The following NBEAL1 variants were observed in gnomAD, a reference collection of about 807,000 sequenced individuals.
NBEAL1 encodes the protein neurobeachin like 1, also known as neurobeachin-like protein 1.
In NBEAL1, 273 loss-of-function variants were observed where a neutral mutation model predicts 351.3. That is an observed-to-expected ratio of 0.78 (90% CI 0.70 to 0.86). The LOEUF (loss-of-function observed/expected upper bound fraction) is 0.86. NBEAL1 is among the 40% of genes least tolerant of loss of function. The pLI, the probability that NBEAL1 is intolerant of heterozygous loss-of-function variation, is 0.00. For synonymous variants in NBEAL1, 1,050 were observed against 1,086.4 expected (o/e 0.97, Z 0.66); for missense variants, 2,961 against 3,201.3 (o/e 0.92, Z 1.81).
rs13414857 is a variant in NBEAL1 at position 203,045,681 on chromosome 2, T to A, written c.143+3825T>A. Among the ~76,000 whole-genome samples the A allele has an allele frequency of 2.3e-3, 351 of 152,358 alleles. 2 individuals are homozygous for A. The highest frequency in any genetic ancestry group is 7.8e-3 in the African/African-American group (326 of 41,588). ...ACTGTATTCTACATGTGACTACTTA[T>A]GTGCTTCAGATTTTTCTGCATATAG... On this transcript the variant is annotated intron_variant, in intron 3 of 55. Coordinates refer to ENST00000683969, the MANE Select transcript of NBEAL1 (RefSeq NM_001378026.1).
intron 19 of NBEAL1, among the ~76,000 whole-genome samples, chr2:203,123,642 T>G (rs754257074): frequency 1.4e-4 from 21 of 152,106 alleles, no homozygotes; most frequent in Non-Finnish European, 2.9e-4. Flanking sequence ...CCAGAACACT[T>G]TTTTTTATCT....
chr2:203,079,199 C>A (rs145979695), intron 8 of NBEAL1, among the ~76,000 whole-genome samples: 2 of 152,254 alleles, frequency 1.3e-5, no homozygotes, highest in East Asian at 3.9e-4. Context: ...CCACTTCAGC[C>A]TCCTAAGGAG....
intron 2 of NBEAL1, among the ~76,000 whole-genome samples, chr2:203,038,771 G>A (rs2061079936): frequency 6.7e-6 from 1 of 148,808 alleles, no homozygotes; most frequent in African/African-American, 2.4e-5. Flanking sequence ...TTGACTTCCT[G>A]CGCTCAAGAA....
chr2:203,183,211 A>G, intron 43 of NBEAL1, 68 bp from the exon 44 acceptor site: 1 of 803,708 alleles, frequency 1.2e-6, no homozygotes, highest in Non-Finnish European at 2.0e-6. Flanking sequence ...TGCCCTCATT[A>G]GTGTTTGTTT....
chr2:203,089,610 C>G lies in NBEAL1; in HGVS notation c.1098+5041C>G, dbSNP rs1017343999. ...AGAGGCGGGTAGCATTTAAGAGACA[C>G]GAGAACCTAGGATCACACACACACC... is the stretch of plus-strand genomic sequence containing the variant. On this transcript the variant is annotated intron_variant, in intron 10 of 55. Coordinates refer to ENST00000683969, the MANE Select transcript of NBEAL1 (RefSeq NM_001378026.1). Among the ~76,000 whole-genome samples, 3 of 152,144 alleles carry G rather than the reference C, an allele frequency of 2.0e-5. No individual in the cohort carries two copies. In the East Asian group the frequency reaches 5.8e-4, roughly 29 times the overall value.
chr2:203,134,577 TCAAAACC>T (rs894602539), intron 27 of NBEAL1, among the ~76,000 whole-genome samples: 1 of 152,230 alleles, frequency 6.6e-6, no homozygotes, highest in African/African-American at 2.4e-5. Context: ...AGAGAGATAC[TCAAAACC>T]CTGGAAGCTA....
In NBEAL1 at chr2:203,132,021, C is replaced by A. The variant is rs1419186877; in HGVS notation, c.3613C>A (p.Gln1205Lys). The change falls in exon 26 of 56, where the codon CAA becomes AAA. Residue 1205 changes from glutamine (Q) to lysine (K), a missense_variant. Gln to Lys is a moderately conservative substitution (Grantham distance 53, BLOSUM62 1). Coordinates refer to ENST00000683969, the MANE Select transcript of NBEAL1 (RefSeq NM_001378026.1). ...KCTNVYERSKQHIRLREVGYS... is the reference protein window; with the variant it reads ...KCTNVYERSKKHIRLREVGYS... ...CACGAACGTTTATGAGCGTAGTAAACAACATATTCGACTCAGAGAAGTTGG... is the reference window on the plus strand; with the variant it reads ...CACGAACGTTTATGAGCGTAGTAAAAAACATATTCGACTCAGAGAAGTTGG... The A allele has an allele frequency of 1.9e-6, 3 of 1,554,096 alleles. No homozygotes were observed. The highest frequency in any genetic ancestry group is 2.6e-6 in the Non-Finnish European group (3 of 1,147,580).
chr2:203,074,384 G>A (rs1002490279), intron 7 of NBEAL1, among the ~76,000 whole-genome samples: 1 of 138,658 alleles, frequency 7.2e-6, no homozygotes, highest in African/African-American at 2.7e-5. Context: ...GAGTGGTGCA[G>A]TGGCACGATC....
intron 8 of NBEAL1, 140 bp from the exon 9 acceptor site, chr2:203,083,079 G>A (rs1002337408): frequency 1.5e-6 from 1 of 685,100 alleles, no homozygotes; most frequent in African/African-American, 1.8e-5. Context: ...ACTAGCAGTG[G>A]CTATCAGAGT....
rs1194059640 is a variant in NBEAL1 at position 203,219,953 on chromosome 2, A to G, written c.*2599A>G. ...AACTTAAATTTTATCTGTTAAAAGA[A>G]GCAAACAACTATTAGTGAATAATAT... On this transcript the variant is annotated 3_prime_UTR_variant, in exon 56 of 56. Transcript: ENST00000683969. The G allele has an allele frequency of 1.3e-5, 2 of 152,348 alleles. No individual in the cohort carries two copies. The highest frequency in any genetic ancestry group is 1.9e-4 in the East Asian group (1 of 5,188). 9.4% of individuals were successfully genotyped at this position (152,348 alleles called of 1,614,324 possible). A position where few individuals can be genotyped will look rare whatever the true frequency, so the allele number is the denominator to read the frequency against.
At chr2:203,089,153 G>A (rs1327727083) in intron 10 of NBEAL1, among the ~76,000 whole-genome samples, 3 of 152,138 alleles carry the variant, frequency 2.0e-5, no homozygotes, top group Non-Finnish European at 2.9e-5. Context: ...GAGGTCAGGA[G>A]TTCCAGACCA....
At chr2:203,171,383 T>C (rs1055201164) in intron 39 of NBEAL1, among the ~76,000 whole-genome samples, 1 of 152,076 alleles carries the variant, frequency 6.6e-6, no homozygotes, top group African/African-American at 2.4e-5. Flanking sequence ...GCCAGGAGCA[T>C]CACTTGAGGC....
chr2:203,183,281 T>C lies in NBEAL1; in HGVS notation c.6598T>C (p.Phe2200Leu), dbSNP rs200702658. Residue 2200 changes from phenylalanine to leucine, a missense_variant and splice_region_variant, in exon 44 of 56, where the codon TTT (phenylalanine) becomes CTT (leucine). By Grantham distance (22) the Phe-to-Leu change is conservative. Coordinates refer to ENST00000683969, the MANE Select transcript of NBEAL1 (RefSeq NM_001378026.1). ...CATTTTCTTTTTACATGTCTTAGAATTTAACTTGGGTCGTCTACAGATTTC... is the reference window on the plus strand; with the variant it reads ...CATTTTCTTTTTACATGTCTTAGAACTTAACTTGGGTCGTCTACAGATTTC... ...FPEFLENQNQFNLGRLQISKE... is the reference protein window; with the variant it reads ...FPEFLENQNQLNLGRLQISKE... 24 of 1,549,980 alleles carry C rather than the reference T, an allele frequency of 1.5e-5. No individual in the cohort carries two copies. The highest frequency in any genetic ancestry group is 2.1e-5 in the Non-Finnish European group (24 of 1,139,754).
chr2:203,081,960 C>G (rs534657095), intron 8 of NBEAL1, among the ~76,000 whole-genome samples: 2 of 152,252 alleles, frequency 1.3e-5, no homozygotes, highest in South Asian at 4.1e-4. Context: ...TTAAATTAGT[C>G]AGGTATGATG....
chr2:203,102,847 C>CT (rs1423591517), intron 12 of NBEAL1, among the ~76,000 whole-genome samples: 2 of 152,094 alleles, frequency 1.3e-5, no homozygotes, highest in African/African-American at 2.4e-5. Flanking sequence ...GGAGTCCTTC[C>CT]TCCTCAATTT....
At chr2:203,190,950 G>T in intron 46 of NBEAL1, 1 of 1,609,708 alleles carries the variant, frequency 6.2e-7, no homozygotes, top group East Asian at 2.2e-5. Context: ...AGGGCCTGAG[G>T]ATTACAGTGA....
At position 203,213,590 on chromosome 2, in the gene NBEAL1, C is replaced by T. The variant is rs1182641404; in HGVS notation, c.8007C>T (p.Ser2669=). The T allele has an allele frequency of 6.2e-7, 1 of 1,613,942 alleles. No individual in the cohort carries two copies. Reference sequence around the variant, plus strand: ...GTGTTTGTGTCACCAAAGAATACAGCCATATTCTTGTAGGTTTAGAAGATG... The same window carrying T: ...GTGTTTGTGTCACCAAAGAATACAGTCATATTCTTGTAGGTTTAGAAGATG... ...IHCVCVTKEY[S]HILVGLEDGK... is the part of the protein sequence containing the mutation. Residue 2669 remains serine, a synonymous_variant, in exon 55 of 56, where the codon AGC becomes AGT. Transcript: ENST00000683969.
chr2:203,151,794 T>A (rs2063660732), intron 35 of NBEAL1, among the ~76,000 whole-genome samples: 1 of 152,156 alleles, frequency 6.6e-6, no homozygotes, highest in African/African-American at 2.4e-5. Flanking sequence ...TGATTGTAAT[T>A]TCTAAAAGAA....
At chr2:203,116,608 T>C (rs911682870) in intron 18 of NBEAL1, among the ~76,000 whole-genome samples, 1 of 132,876 alleles carries the variant, frequency 7.5e-6, no homozygotes, top group Non-Finnish European at 1.6e-5. Context: ...CCTGTCTCTA[T>C]AAAACTTATG....
Sources: allele counts gnomAD v4.1 joint callset (sites outside exome capture counted in the v4.1 genomes callset), GRCh38; gene constraint gnomAD v4.1.1; transcripts MANE v1.5; gene names NCBI Gene and HGNC (gene_info 2026-07-23, HGNC 2026-07-21).